Variants in NPAS3 observed in about 807,000 individuals in gnomAD.
NPAS3 encodes neuronal PAS domain protein 3.
In NPAS3, 14 loss-of-function variants were observed where a neutral mutation model predicts 73.1. The ratio of observed to expected loss-of-function variants is 0.19; its 90% CI spans 0.13 to 0.30. The LOEUF (loss-of-function observed/expected upper bound fraction) is 0.30. NPAS3 is among the 10% of genes least tolerant of loss of function. The pLI, the probability that NPAS3 is intolerant of heterozygous loss-of-function variation, is 1.00. For missense variants in NPAS3, 1,096 were observed against 1,250.0 expected, an observed-to-expected ratio of 0.88 and a Z score of 1.86; for synonymous variants, 620 against 541.5, an observed-to-expected ratio of 1.14 and a Z score of -2.01.
intron 3 of NPAS3, among the ~76,000 whole-genome samples, chr14:33,270,019 C>T (rs1278186377): frequency 6.6e-6 from 1 of 151,952 alleles, no homozygotes; most frequent in Non-Finnish European, 1.5e-5. Flanking sequence ...CTGTGAGAGA[C>T]CGAGGGACAC....
intron 3 of NPAS3, among the ~76,000 whole-genome samples, chr14:33,330,918 A>C (rs760825167): frequency 1.3e-5 from 2 of 152,222 alleles, no homozygotes; most frequent in Non-Finnish European, 2.9e-5. Flanking sequence ...TGCTGGTGTG[A>C]AGGAGGAATG....
intron 6 of NPAS3, among the ~76,000 whole-genome samples, chr14:33,721,110 A>G (rs772987896): frequency 1.3e-4 from 20 of 152,286 alleles, no homozygotes; most frequent in Admixed American, 2.6e-4. Context: ...AAAATGTTAG[A>G]CTTCAAATCA....
At chr14:33,010,218 T>C (rs984268164) in intron 1 of NPAS3, among the ~76,000 whole-genome samples, 5 of 152,242 alleles carry the variant, frequency 3.3e-5, no homozygotes, top group Non-Finnish European at 7.3e-5. Flanking sequence ...ATAGTTAGCA[T>C]GAACCTCTCT....
At chr14:33,595,867 T>C (rs373578116) in intron 5 of NPAS3, among the ~76,000 whole-genome samples, 9 of 152,290 alleles carry the variant, frequency 5.9e-5, no homozygotes, top group African/African-American at 2.2e-4. Flanking sequence ...AGACGGGGTT[T>C]CACCGTGTTA....
chr14:33,218,384 T>C (rs566796122), intron 3 of NPAS3, among the ~76,000 whole-genome samples: 1 of 152,230 alleles, frequency 6.6e-6, no homozygotes, highest in Non-Finnish European at 1.5e-5. Context: ...AAAATATATG[T>C]ACATTTTATT....
intron 4 of NPAS3, among the ~76,000 whole-genome samples, chr14:33,521,984 A>G (rs1452392787): frequency 6.6e-6 from 1 of 152,174 alleles, no homozygotes; most frequent in Non-Finnish European, 1.5e-5. Flanking sequence ...AGCCCTTTGG[A>G]AGCCTCTTGC....
intron 2 of NPAS3, among the ~76,000 whole-genome samples, chr14:33,092,744 C>T (rs2042271893): frequency 6.6e-6 from 1 of 152,186 alleles, no homozygotes; most frequent in Non-Finnish European, 1.5e-5. Flanking sequence ...GTAACCAAAA[C>T]AGCATGGTAC....
At chr14:33,771,244 A>C (rs140188932) in intron 7 of NPAS3, among the ~76,000 whole-genome samples, 53 of 152,340 alleles carry the variant, frequency 3.5e-4, no homozygotes, top group African/African-American at 1.2e-3. Context: ...GGAAAAAAAT[A>C]TGTTAATTTA....
chr14:33,785,220 G>T (rs1431910457), intron 9 of NPAS3, among the ~76,000 whole-genome samples: 1 of 151,802 alleles, frequency 6.6e-6, no homozygotes, highest in Admixed American at 6.6e-5. Flanking sequence ...TGGATCACAA[G>T]GTCAGGAGTT....
chr14:33,597,121 ATTTCAC>A (rs1466466335), intron 5 of NPAS3, among the ~76,000 whole-genome samples: 1 of 152,172 alleles, frequency 6.6e-6, no homozygotes, highest in Non-Finnish European at 1.5e-5. Flanking sequence ...AAGCTGACAG[ATTTCAC>A]TTATTCCAAA....
chr14:33,295,728 G>T (rs2042270722), intron 3 of NPAS3, among the ~76,000 whole-genome samples: 1 of 152,184 alleles, frequency 6.6e-6, no homozygotes, highest in Admixed American at 6.5e-5. Context: ...GGTATTTATA[G>T]AGTCCATAAG....
At chr14:33,639,646 T>G (rs905923777) in intron 5 of NPAS3, among the ~76,000 whole-genome samples, 2 of 152,166 alleles carry the variant, frequency 1.3e-5, no homozygotes, top group African/African-American at 4.8e-5. Flanking sequence ...TAAATTGCCC[T>G]GCCACTACAT....
chr14:33,571,134 T>C (rs2056191851), intron 5 of NPAS3, among the ~76,000 whole-genome samples: 1 of 152,216 alleles, frequency 6.6e-6, no homozygotes, highest in Non-Finnish European at 1.5e-5. Context: ...TCCTTTTGTC[T>C]GTTAGACATT....
At chr14:33,223,835 G>A (rs1191971507) in intron 3 of NPAS3, among the ~76,000 whole-genome samples, 1 of 123,322 alleles carries the variant, frequency 8.1e-6, no homozygotes, top group Non-Finnish European at 1.7e-5. Flanking sequence ...AAAATGTATG[G>A]CAAAAAAAAA....
At chr14:33,468,042 T>C (rs1281579161) in intron 4 of NPAS3, among the ~76,000 whole-genome samples, 2 of 152,218 alleles carry the variant, frequency 1.3e-5, no homozygotes, top group South Asian at 2.1e-4. Flanking sequence ...CACCATCTAA[T>C]AGGGTCATCA....
At chr14:33,235,201 T>C (rs1357862214) in intron 3 of NPAS3, among the ~76,000 whole-genome samples, 1 of 152,160 alleles carries the variant, frequency 6.6e-6, no homozygotes, top group African/African-American at 2.4e-5. Flanking sequence ...GCCTTTAAGC[T>C]TTATTAATTT....
intron 1 of NPAS3, among the ~76,000 whole-genome samples, chr14:33,001,988 A>T (rs1473993114): frequency 6.6e-6 from 1 of 152,164 alleles, no homozygotes; most frequent in African/African-American, 2.4e-5. Flanking sequence ...AATTCAAAGG[A>T]TGCTAATTCT....
chr14:33,153,219 T>C (rs947817533), intron 2 of NPAS3, among the ~76,000 whole-genome samples: 3 of 151,970 alleles, frequency 2.0e-5, no homozygotes, highest in African/African-American at 7.3e-5. Context: ...ATTTTCTACT[T>C]TTTTTTTCAT....
chr14:33,044,590 G>A (rs1361142407), intron 1 of NPAS3, among the ~76,000 whole-genome samples: 1 of 151,782 alleles, frequency 6.6e-6, no homozygotes, highest in Non-Finnish European at 1.5e-5. Flanking sequence ...CTTGTGCCAG[G>A]CTTTGTGCAA....
Sources: allele counts gnomAD v4.1 joint callset (sites outside exome capture counted in the v4.1 genomes callset), GRCh38; gene constraint gnomAD v4.1.1; transcripts MANE v1.5; gene names NCBI Gene and HGNC (gene_info 2026-07-23, HGNC 2026-07-21).